NTRK1: variants seen among roughly 807,000 people sequenced by gnomAD.
NTRK1 encodes the protein neurotrophic receptor tyrosine kinase 1, also known as high affinity nerve growth factor receptor.
In NTRK1, 62 loss-of-function variants were observed where a neutral mutation model predicts 86.8. The ratio of observed to expected loss-of-function variants is 0.71; its 90% CI spans 0.58 to 0.88. NTRK1 has a LOEUF of 0.88. NTRK1 is among the 40% of genes least tolerant of loss of function. The pLI is 0.00. For synonymous variants in NTRK1, 469 were observed against 456.6 expected (o/e 1.03, Z -0.35); for missense variants, 967 against 1,078.4 (o/e 0.90, Z 1.45).
At position 156,836,757 on chromosome 1, in the gene NTRK1, GACT is replaced by G. The variant is rs1391900713; in HGVS notation, c.-63-5323_-63-5321del. ...GCTGAATGAGGAGCATATTTCACAG[GACT>G]GAATGAGGAGCATATTTCACAGGAC... is the stretch of plus-strand genomic sequence containing the variant. On this transcript the variant is annotated intron_variant, in intron 1 of 16. Coordinates refer to the NTRK1 transcript ENST00000392302. Among the ~76,000 whole-genome samples, 71 of 36,292 alleles carry G rather than the reference GACT, an allele frequency of 2.0e-3. 3 individuals carry two copies. Among genetic ancestry groups the G allele is most frequent in the East Asian group, 7.1e-3 (2 of 280 alleles). The allele number at this position is 36,292 out of a possible 152,430, so 23.8% of individuals were successfully genotyped here.
At chr1:156,860,627 C>T (rs1655592119), upstream of NTRK1, among the ~76,000 whole-genome samples, 3 of 152,234 alleles carry the variant, frequency 2.0e-5, no homozygotes, top group Admixed American at 2.0e-4. Context: ...CACCTCCGGC[C>T]TCAGCAGACA....
In NTRK1 at chr1:156,871,604, C is replaced by G. The variant is rs749232952; in HGVS notation, c.718-19C>G. On this transcript the variant is annotated intron_variant, in intron 6 of 16. Transcript: ENST00000524377. ...TGGCTAAAGCTCCTTCTTATTCCCC[C>G]CTCTCTTTCCTGATCTAGAAATCTG... 6.2e-7 allele frequency: 1 copy of G among 1,614,010 alleles called. No homozygotes were observed. The highest frequency in any genetic ancestry group is 1.7e-5 in the Admixed American group (1 of 60,016).
chr1:156,867,671 C>T (rs1211693299), intron 4 of NTRK1, among the ~76,000 whole-genome samples: 11 of 141,050 alleles, frequency 7.8e-5, no homozygotes, highest in Non-Finnish European at 1.4e-4. Flanking sequence ...CTTTTCTTTT[C>T]TTTTTTTTTT....
At chr1:156,875,800 A>G (rs1020468581) in intron 12 of NTRK1, 134 bp downstream of exon 12, 2 of 1,303,476 alleles carry the variant, frequency 1.5e-6, no homozygotes, top group Non-Finnish European at 2.1e-6. Flanking sequence ...TATTCCAGCC[A>G]TAGGCCCTGT....
At chr1:156,858,485 C>A (rs181091525), upstream of NTRK1, 12 of 1,478,930 alleles carry the variant, frequency 8.1e-6, no homozygotes, top group Admixed American at 2.0e-4. Flanking sequence ...TTTTGGCCTC[C>A]CAGCTGGCTG....
intron 1 of NTRK1, chr1:156,841,459 C>G: frequency 1.2e-6 from 2 of 1,613,972 alleles, no homozygotes; most frequent in Non-Finnish European, 1.7e-6. Context: ...TCAGCACCTG[C>G]TCATTGGACA....
chr1:156,841,385 G>A, intron 1 of NTRK1: 11 of 1,613,250 alleles, frequency 6.8e-6, no homozygotes, highest in Non-Finnish European at 7.6e-6. Context: ...GGCAGGGGAG[G>A]TGACTCACAG....
At chr1:156,879,941 T>A (rs2102926711) in intron 15 of NTRK1, 58 bp from the exon 16 acceptor site, 1 of 1,601,588 alleles carries the variant, frequency 6.2e-7, no homozygotes, top group Non-Finnish European at 8.5e-7. Context: ...GGGTAGGCTG[T>A]GCCTTGACGG....
chr1:156,845,419 G>A, intron 2 of NTRK1: 2 of 1,546,754 alleles, frequency 1.3e-6, no homozygotes, highest in East Asian at 2.3e-5. Context: ...GGGATCTGGG[G>A]AGGCCAGGAG....
At chr1:156,876,315 A>G (rs2102918546) in intron 13 of NTRK1, 85 bp from the exon 14 acceptor site, 1 of 1,609,376 alleles carries the variant, frequency 6.2e-7, no homozygotes. Flanking sequence ...ACATGGCTGG[A>G]TACCGGGGTG....
chr1:156,874,312 C>G (rs182642681), intron 8 of NTRK1, 71 bp from the exon 9 acceptor site: 1 of 1,609,482 alleles, frequency 6.2e-7, no homozygotes, highest in African/African-American at 1.3e-5. Flanking sequence ...AGGGGACTCA[C>G]TGCTTTCCTC....
rs150579345 is a variant in NTRK1 at position 156,876,508 on chromosome 1, G to A, written c.1741G>A (p.Glu581Lys). The part of the protein sequence containing the change: ...HIVRFFGVCT[E>K]GRPLLMVFEY... ...CGTGCGCTTCTTCGGCGTCTGCACC[G>A]AGGGCCGCCCCCTGCTCATGGTCTT... The change falls in exon 14 of 17, where the codon GAG becomes AAG. Residue 581 changes from glutamate (E) to lysine (K), a missense_variant. By Grantham distance (56) the Glu-to-Lys change is moderately conservative. This residue lies in a region of NTRK1 where 637 missense variants were observed against 776.5 expected (regional missense o/e 0.82). Coordinates refer to ENST00000524377, the MANE Select transcript of NTRK1 (RefSeq NM_002529.4). The A allele has an allele frequency of 1.2e-4, 199 of 1,613,644 alleles. No homozygotes were observed. The highest frequency in any genetic ancestry group is 9.9e-4 in the Middle Eastern group (6 of 6,058).
chr1:156,852,012 G>A (rs751882198), intron 2 of NTRK1: 65 of 1,613,288 alleles, frequency 4.0e-5, no homozygotes, highest in Admixed American at 1.5e-4. Flanking sequence ...GTGACACAGC[G>A]CCAGGACTCA....
rs144665329 is a variant in NTRK1, at chr1:156,823,261, C to T, written c.-64+7423C>T. Among the ~76,000 whole-genome samples, 314 of 152,276 alleles carry T rather than the reference C, an allele frequency of 2.1e-3. 5 individuals are homozygous for T. Among genetic ancestry groups the T allele is most frequent in the African/African-American group, 7.3e-3 (303 of 41,560 alleles). The stretch of plus-strand genomic sequence containing the variant: ...AGAGTGGACACAGTACAATATTGTG[C>T]GCACACCACCACATCCAGTTCAGTT... On this transcript the variant is annotated intron_variant, in intron 1 of 16. Transcript: ENST00000392302.
At chr1:156,843,048 G>A (rs749682157) in intron 2 of NTRK1, 2 of 1,614,008 alleles carry the variant, frequency 1.2e-6, no homozygotes, top group Non-Finnish European at 1.7e-6. Flanking sequence ...GCTTCCTTGA[G>A]GAACTCAATG....
At chr1:156,858,650 C>G (rs532591512), upstream of NTRK1, 1 of 1,593,482 alleles carries the variant, frequency 6.3e-7, no homozygotes. Flanking sequence ...TGTCCAGTCC[C>G]GGCTCTCCTC....
At chr1:156,864,827 G>A in intron 3 of NTRK1, 28 bp downstream of exon 3, 1 of 1,604,766 alleles carries the variant, frequency 6.2e-7, no homozygotes, top group Non-Finnish European at 8.5e-7. Flanking sequence ...TGGGCAGTGG[G>A]AGTTGGGGAG....
At chr1:156,880,570 C>T in intron 16 of NTRK1, 1 of 187,346 alleles carries the variant, frequency 5.3e-6, no homozygotes. Context: ...GTCCTACCCC[C>T]TCCCCCTGCC....
In NTRK1 at chr1:156,844,424, G is replaced by C. The variant is rs369071108; in HGVS notation, c.50+2231G>C. 35 of 1,601,320 alleles carry C rather than the reference G, an allele frequency of 2.2e-5. No homozygotes were observed. The African/African-American group carries it at 4.5e-4, about 21-fold the overall frequency. ...GGTGGGCTGGGGACCAGGTAGGGCT[G>C]TTCGGTGATACAGGTCTGTGACAGA... On this transcript the variant is annotated intron_variant, in intron 2 of 16. Coordinates refer to the NTRK1 transcript ENST00000392302.
Sources: gnomAD v4.1 joint callset for allele counts (sites outside exome capture counted in the v4.1 genomes callset) on GRCh38, gnomAD v4.1.1 for gene constraint, gnomAD v4.1.1 regional missense constraint, MANE v1.5 for transcripts, NCBI Gene and HGNC (gene_info 2026-07-23, HGNC 2026-07-21) for gene names.